Variants in CEP95 observed in about 807,000 individuals in gnomAD.
The protein encoded by CEP95 is centrosomal protein 95, also known as centrosomal protein of 95 kDa.
Under a neutral mutation model 111.2 loss-of-function variants are expected in CEP95, and 98 were observed. The observed-to-expected ratio is 0.88, with a 90% confidence interval of 0.75 to 1.04. The LOEUF (loss-of-function observed/expected upper bound fraction) is 1.04. CEP95 is among the 50% of genes least tolerant of loss of function. The probability of loss-of-function intolerance (pLI) is 0.00; values close to 1 mark genes in which losing one functional copy is unlikely to be tolerated. For synonymous variants in CEP95, 323 were observed against 327.1 expected (o/e 0.99, Z 0.14); for missense variants, 1,027 against 977.2 (o/e 1.05, Z -0.68).
chr17:64,531,271 G>T (rs1598241413), intron 13 of CEP95, among the ~76,000 whole-genome samples: 2 of 152,162 alleles, frequency 1.3e-5, no homozygotes, highest in Non-Finnish European at 2.9e-5. Flanking sequence ...GTTTTTAAGG[G>T]TTTATTTGAC....
rs1555678237 is a variant in CEP95, at chr17:64,522,801, C to G, written c.815C>G (p.Pro272Arg). 1 of 1,613,894 alleles carries G rather than the reference C, an allele frequency of 6.2e-7. No individual in the cohort carries two copies. Among genetic ancestry groups the G allele is most frequent in the Admixed American group, 1.7e-5 (1 of 60,006 alleles). The stretch of plus-strand genomic sequence containing the variant: ...CATCCACCCTACCACCCTTCAGAGC[C>G]TCGAGCACCCTGCCCCATAGGAAAA... ...PLHPPYHPSE[P>R]RAPCPIGKEY... The change falls in exon 8 of 20, where the codon CCT (proline) becomes CGT (arginine). Residue 272 changes from proline to arginine, a missense_variant. Physicochemically the swap from Pro to Arg is moderately radical, Grantham distance 103. Transcript: ENST00000556440.
intron 3 of CEP95, among the ~76,000 whole-genome samples, chr17:64,511,332 C>G (rs1432410895): frequency 6.6e-6 from 1 of 152,122 alleles, no homozygotes; most frequent in Non-Finnish European, 1.5e-5. Flanking sequence ...TATTTCAGCC[C>G]TACAGTCTAC....
chr17:64,530,966 A>AATT lies in CEP95; in HGVS notation c.1488_1489insTTA (p.Lys496_Val497insLeu). 6.4e-7 allele frequency: 1 copy of AATT among 1,561,976 alleles called. No homozygotes were observed. Among genetic ancestry groups the AATT allele is most frequent in the East Asian group, 2.3e-5 (1 of 42,650 alleles). ...TTTGAAAGGGAACTAAGAAGACATA[A>AATT]AGTTCAAGAGAATATTGGACCTCTA... On this transcript the variant is annotated inframe_insertion, in exon 13 of 20. Coordinates refer to ENST00000556440, the MANE Select transcript of CEP95 (RefSeq NM_138363.3).
rs1190814505 is a variant in CEP95, at chr17:64,537,472, G to GTAA, written c.2290-130_2290-128dup. 4.3e-6 allele frequency: 6 copies of GTAA among 1,411,740 alleles called. No homozygotes were observed. In the African/African-American group the frequency reaches 7.2e-5, roughly 17 times the overall value. 87.5% of individuals were successfully genotyped at this position (1,411,740 alleles called of 1,614,324 possible). A position where few individuals can be genotyped will look rare whatever the true frequency, so the allele number is the denominator to read the frequency against. On this transcript the variant is annotated intron_variant, in intron 19 of 19. Transcript: ENST00000556440. ...TGATTTTAACTTTAGTTAGGTCTCT[G>GTAA]TAAGAGCTGCTGTTGCTAGATTATT...
Position 64,526,140 on chromosome 17 carries a change from A to G in CEP95, c.1092A>G (p.Thr364=), listed in dbSNP as rs1967800318. 6.2e-7 allele frequency: 1 copy of G among 1,613,682 alleles called. No individual in the cohort carries two copies. Among genetic ancestry groups the G allele is most frequent in the African/African-American group, 1.3e-5 (1 of 74,930 alleles). ...CCCAGAGGCCAAGAAAGAGATTAAC[A>G]GAACAAGAATTACATGATGTATCAG... is the stretch of plus-strand genomic sequence containing the variant. ...PFPQRPRKRL[T]EQELHDVSEK... is the part of the protein sequence containing the mutation. Residue 364 remains threonine (T), a synonymous_variant, in exon 10 of 20, where the codon ACA becomes ACG. Coordinates refer to ENST00000556440, the MANE Select transcript of CEP95 (RefSeq NM_138363.3).
At chr17:64,527,028 G>C (rs1476597246) in intron 10 of CEP95, 83 bp from the exon 11 acceptor site, 79 of 1,070,916 alleles carry the variant, frequency 7.4e-5, no homozygotes, top group Non-Finnish European at 1.1e-4. Flanking sequence ...GTCAAAGGAA[G>C]CTTTTTTAAA....
chr17:64,535,713 C>T (rs1372095889), intron 17 of CEP95: 2 of 152,176 alleles, frequency 1.3e-5, no homozygotes, highest in East Asian at 3.9e-4. Flanking sequence ...ATAGAGTTAC[C>T]CTATGACCCA....
chr17:64,519,228 T>G, intron 5 of CEP95, 93 bp from the exon 6 acceptor site: 1 of 753,506 alleles, frequency 1.3e-6, no homozygotes, highest in Non-Finnish European at 2.3e-6. Context: ...GGGAGAGTCT[T>G]TTCCTTTTTC....
rs1555675867 is a variant in CEP95, at chr17:64,514,293, T to C, written c.302T>C (p.Leu101Pro). The change falls in exon 4 of 20, where the codon CTG becomes CCG. Residue 101 changes from leucine (L) to proline (P), a missense_variant. Physicochemically the swap from Leu to Pro is moderately conservative, Grantham distance 98. Coordinates refer to ENST00000556440, the MANE Select transcript of CEP95 (RefSeq NM_138363.3). ...KGDKESIKNL[L>P]EIFDGLLEYL... Reference sequence around the variant, plus strand: ...GATAAAGAATCTATTAAGAATCTCCTGGAAATATTTGATGGTTTGTTGGAG... The same window carrying C: ...GATAAAGAATCTATTAAGAATCTCCCGGAAATATTTGATGGTTTGTTGGAG... 3 of 1,505,178 alleles carry C rather than the reference T, an allele frequency of 2.0e-6. No homozygotes were observed. In the South Asian group the frequency reaches 3.6e-5, roughly 18 times the overall value. The allele number at this position is 1,505,178 out of a possible 1,614,324, so 93.2% of individuals were successfully genotyped here.
In CEP95 at chr17:64,537,610, A is replaced by G. The variant is rs782676857; in HGVS notation, c.2297A>G (p.His766Arg). The G allele has an allele frequency of 1.6e-5, 25 of 1,603,250 alleles. No individual in the cohort carries two copies. Among genetic ancestry groups the G allele is most frequent in the Non-Finnish European group, 2.0e-5 (24 of 1,173,130 alleles). Residue 766 changes from histidine (H) to arginine (R), a missense_variant, in exon 20 of 20, where the codon CAT (histidine) becomes CGT (arginine). Physicochemically the swap from His to Arg is conservative, Grantham distance 29. Transcript: ENST00000556440. ...AREKSQAQTL[H>R]KVKRELRSKM... ...CATGCCTTCTTTTTTCAGACATTAC[A>G]TAAGGTGAAGAGGGAGCTGAGATCT...
intron 8 of CEP95, among the ~76,000 whole-genome samples, 177 bp downstream of exon 8, chr17:64,523,072 A>C (rs1555678376): frequency 6.6e-6 from 1 of 152,180 alleles, no homozygotes; most frequent in Non-Finnish European, 1.5e-5. Flanking sequence ...AGCATATTGC[A>C]CTAGTCAAAG....
rs782487772 is a variant in CEP95 at position 64,510,170 on chromosome 17, C to G, written c.149-3C>G. 3.2e-6 allele frequency: 5 copies of G among 1,577,202 alleles called. No homozygotes were observed. Among genetic ancestry groups the G allele is most frequent in the African/African-American group, 2.7e-5 (2 of 74,154 alleles). ...AAAATTATGTGATTTTTTCCCCCCC[C>G]AGACCTCATAGTTATTCCTAGGAGT... On this transcript the variant is annotated splice_polypyrimidine_tract_variant and splice_region_variant and intron_variant, in intron 2 of 19. Transcript: ENST00000556440.
intron 4 of CEP95, chr17:64,514,607 TAAATTTCTG>T: frequency 2.4e-6 from 1 of 414,716 alleles, no homozygotes; most frequent in African/African-American, 2.0e-5. Context: ...ACTAGAAAGA[TAAATTTCTG>T]GCTAAATTAT....
intron 8 of CEP95, among the ~76,000 whole-genome samples, chr17:64,525,096 T>G (rs1967696064): frequency 6.6e-6 from 1 of 152,044 alleles, no homozygotes; most frequent in South Asian, 2.1e-4. Context: ...ATCCCAGCAC[T>G]TTGAGAGGCT....
Position 64,527,105 on chromosome 17 carries a change from C to A in CEP95, c.1153-6C>A, listed in dbSNP as rs1555679249. The A allele has an allele frequency of 6.2e-7, 1 of 1,608,000 alleles. No homozygotes were observed. Among genetic ancestry groups the A allele is most frequent in the South Asian group, 1.1e-5 (1 of 90,334 alleles). The stretch of plus-strand genomic sequence containing the variant: ...TGAAAGATGTTGAAAAGAATTTTCT[C>A]AATAGATGTTAAAAAGTGCTCTGGG... On this transcript the variant is annotated splice_region_variant and splice_polypyrimidine_tract_variant and intron_variant, in intron 10 of 19. Coordinates refer to ENST00000556440, the MANE Select transcript of CEP95 (RefSeq NM_138363.3).
intron 1 of CEP95, chr17:64,508,175 G>A (rs2144314207): frequency 1.0e-6 from 1 of 985,416 alleles, no homozygotes. Flanking sequence ...CAATACTATT[G>A]CAAGTGCGAA....
At chr17:64,514,747 C>T (rs2039056552) in intron 4 of CEP95, 1 of 287,480 alleles carries the variant, frequency 3.5e-6, no homozygotes, top group Non-Finnish European at 6.4e-6. Flanking sequence ...GCATTTGTGT[C>T]TTTAGCCTGC....
In CEP95 at chr17:64,522,724, G is replaced by A. The variant is rs782256283; in HGVS notation, c.738G>A (p.Gly246=). 5 of 1,612,894 alleles carry A rather than the reference G, an allele frequency of 3.1e-6. No individual in the cohort carries two copies. In the East Asian group the frequency reaches 1.1e-4, roughly 36 times the overall value. Residue 246 remains glycine, a synonymous_variant, in exon 8 of 20, where the codon GGG becomes GGA. Transcript: ENST00000556440. ...TAGCGGAAACCCTTTCTGTGAGTGGGATTCCAAATGCTAGGAAGCTAGGGG... is the reference window on the plus strand; with the variant it reads ...TAGCGGAAACCCTTTCTGTGAGTGGAATTCCAAATGCTAGGAAGCTAGGGG... ...VEDTETLSVS[G]IPNARKLGEP...
intron 12 of CEP95, 85 bp from the exon 13 acceptor site, chr17:64,530,841 G>C (rs1968225727): frequency 1.4e-6 from 1 of 702,258 alleles, no homozygotes; most frequent in African/African-American, 1.8e-5. Flanking sequence ...CTGTTTACTA[G>C]ACAGGTGCTT....
Sources: gnomAD v4.1 joint callset for allele counts (sites outside exome capture counted in the v4.1 genomes callset) on GRCh38, gnomAD v4.1.1 for gene constraint, MANE v1.5 for transcripts, NCBI Gene and HGNC (gene_info 2026-07-23, HGNC 2026-07-21) for gene names.